The following RER1 variants were observed in gnomAD, a reference collection of about 807,000 sequenced individuals.
RER1 encodes the protein protein RER1.
A neutral mutation model predicts 28.3 loss-of-function variants in RER1; 6 were observed. That is an observed-to-expected ratio of 0.21 (90% CI 0.12 to 0.42). The LOEUF (loss-of-function observed/expected upper bound fraction) is 0.42, where lower values mean the gene tolerates loss of function less well. Among genes scored for constraint, RER1 ranks in the 10% least tolerant of loss-of-function variants. The probability of loss-of-function intolerance (pLI) is 1.00; values close to 1 mark genes in which losing one functional copy is unlikely to be tolerated. For missense variants in RER1, 159 were observed against 252.9 expected (o/e 0.63, Z 2.52); for synonymous variants, 110 against 95.9 (o/e 1.15, Z -0.86).
At chr1:2,398,335 A>G (rs1642798682) in intron 3 of RER1, among the ~76,000 whole-genome samples, 1 of 152,260 alleles carries the variant, frequency 6.6e-6, no homozygotes, top group Admixed American at 6.5e-5. Flanking sequence ...TCTGACTGGA[A>G]AAGCTTTTAG....
chr1:2,399,808 A>G (rs1198652314), intron 4 of RER1, among the ~76,000 whole-genome samples: 1 of 152,208 alleles, frequency 6.6e-6, no homozygotes, highest in Admixed American at 6.5e-5. Context: ...TCTGAGGTGG[A>G]CAGTCCGACT....
In RER1 at chr1:2,396,711, T is replaced by G. The variant is rs553154252; in HGVS notation, c.82-405T>G. Among the ~76,000 whole-genome samples, 518 of 152,330 alleles carry G rather than the reference T, an allele frequency of 3.4e-3. 2 individuals carry two copies. Among genetic ancestry groups the G allele is most frequent in the African/African-American group, 0.012 (495 of 41,578 alleles). The stretch of plus-strand genomic sequence containing the variant: ...AGTGGGCCTGGGAGCGGGGCAAGGC[T>G]GGCTGCTGGCTGCTGCAGATGGGGG... On this transcript the variant is annotated intron_variant, in intron 2 of 6. Transcript: ENST00000605895.
chr1:2,398,315 C>T (rs1416239309), intron 3 of RER1, among the ~76,000 whole-genome samples: 2 of 152,246 alleles, frequency 1.3e-5, no homozygotes, highest in African/African-American at 2.4e-5. Context: ...TCACATCTGG[C>T]GTTCAGCCGT....
chr1:2,396,917 G>C (rs1397074065), intron 2 of RER1, among the ~76,000 whole-genome samples, 199 bp from the exon 3 acceptor site: 1 of 152,216 alleles, frequency 6.6e-6, no homozygotes, highest in Non-Finnish European at 1.5e-5. Flanking sequence ...ACCTGCTTCA[G>C]GAATTATTGA....
In RER1 at chr1:2,400,482, C is replaced by T. The variant is rs182581848; in HGVS notation, c.287-375C>T. On this transcript the variant is annotated intron_variant, in intron 4 of 6. Transcript: ENST00000605895. ...CTGCTGGTGGGACAGGCCTGGCGCC[C>T]GGGTTCCACGGTCAGCGCATCCTCG... Among the ~76,000 whole-genome samples, 401 of 152,334 alleles carry T rather than the reference C, an allele frequency of 2.6e-3. 3 individuals are homozygous for T. The highest frequency in any genetic ancestry group is 6.9e-3 in the Admixed American group (106 of 15,306).
At chr1:2,401,958 T>C (rs1226615076) in intron 5 of RER1, 1 of 1,422,582 alleles carries the variant, frequency 7.0e-7, no homozygotes, top group Non-Finnish European at 9.3e-7. Flanking sequence ...CTTTATACTT[T>C]GTGTAGTTTT....
chr1:2,397,829 A>G (rs937920454), intron 3 of RER1, among the ~76,000 whole-genome samples: 1 of 152,152 alleles, frequency 6.6e-6, no homozygotes, highest in African/African-American at 2.4e-5. Flanking sequence ...GGTTTCTAGG[A>G]GCAAACCTGT....
Position 2,402,197 on chromosome 1 carries a change from C to T in RER1, c.366-10C>T. 6.2e-7 allele frequency: 1 copy of T among 1,614,136 alleles called. No individual in the cohort carries two copies. The highest frequency in any genetic ancestry group is 8.5e-7 in the Non-Finnish European group (1 of 1,180,032). ...CAGATGCGGCGCTAACCTTCTCTCCCCACTTGAAGGCATGCGGCTACCAAG... is the reference window on the plus strand; with the variant it reads ...CAGATGCGGCGCTAACCTTCTCTCCTCACTTGAAGGCATGCGGCTACCAAG... On this transcript the variant is annotated splice_polypyrimidine_tract_variant and intron_variant, in intron 5 of 6. Coordinates refer to ENST00000605895, the MANE Select transcript of RER1 (RefSeq NM_007033.5).
rs1031871419 is a variant in RER1, at chr1:2,402,990, T to C, written c.502-45T>C. 8 of 1,513,708 alleles carry C rather than the reference T, an allele frequency of 5.3e-6. No individual in the cohort carries two copies. In the African/African-American group the frequency reaches 1.1e-4, roughly 21 times the overall value. 93.8% of individuals were successfully genotyped at this position (1,513,708 alleles called of 1,614,324 possible). On this transcript the variant is annotated intron_variant, in intron 6 of 6. Transcript: ENST00000605895. ...CAGATTTGGGGACAGTGTGACTGACTGGAGAGCGGTTGTGCAGTAACTGAG... is the reference window on the plus strand; with the variant it reads ...CAGATTTGGGGACAGTGTGACTGACCGGAGAGCGGTTGTGCAGTAACTGAG...
chr1:2,400,850 C>G lies in RER1; in HGVS notation c.287-7C>G. ...GTGCCCTCCCTGATGGTTGCTCTGC[C>G]TTACAGATGACGGTCCTTCGCTACC... On this transcript the variant is annotated splice_polypyrimidine_tract_variant and splice_region_variant and intron_variant, in intron 4 of 6. Transcript: ENST00000605895. 6.2e-7 allele frequency: 1 copy of G among 1,613,216 alleles called. No homozygotes were observed. The highest frequency in any genetic ancestry group is 8.5e-7 in the Non-Finnish European group (1 of 1,179,234).
At chr1:2,395,493 G>C in intron 1 of RER1, 1 of 400,852 alleles carries the variant, frequency 2.5e-6, no homozygotes, top group Non-Finnish European at 4.7e-6. Context: ...GGCTGCTCCT[G>C]GGGCCAGTGG....
intron 2 of RER1, chr1:2,396,208 C>A (rs1394377056): frequency 3.2e-6 from 1 of 310,178 alleles, no homozygotes; most frequent in Non-Finnish European, 6.3e-6. Flanking sequence ...CAGCCACCCA[C>A]GTCCCCGGTG....
At chr1:2,402,386 C>G (rs537096528) in intron 6 of RER1, 44 bp downstream of exon 6, 1 of 1,612,186 alleles carries the variant, frequency 6.2e-7, no homozygotes, top group Non-Finnish European at 8.5e-7. Context: ...AATCGCTGTT[C>G]TGTTACCCGC....
At chr1:2,402,744 T>G (rs1642888997) in intron 6 of RER1, among the ~76,000 whole-genome samples, 1 of 152,286 alleles carries the variant, frequency 6.6e-6, no homozygotes, top group East Asian at 1.9e-4. Context: ...GGCCTCACTC[T>G]GTGCCCGGGG....
intron 2 of RER1, 52 bp downstream of exon 2, chr1:2,395,923 C>T (rs758776576): frequency 1.5e-6 from 2 of 1,362,756 alleles, no homozygotes; most frequent in Middle Eastern, 1.8e-4. Context: ...AGAAACGGGA[C>T]TCCCAGCATT....
intron 6 of RER1, among the ~76,000 whole-genome samples, 195 bp downstream of exon 6, chr1:2,402,537 G>A (rs184100361): frequency 5.3e-5 from 8 of 152,212 alleles, no homozygotes; most frequent in African/African-American, 1.4e-4. Flanking sequence ...AACGGGGAGC[G>A]CAGCTGTGGG....
At chr1:2,402,680 G>C (rs1642886830) in intron 6 of RER1, among the ~76,000 whole-genome samples, 1 of 152,248 alleles carries the variant, frequency 6.6e-6, no homozygotes. Flanking sequence ...GTGTTAGGGG[G>C]AAGTTAGCCG....
Position 2,404,058 on chromosome 1 carries a change from T to C in RER1, c.*934T>C, listed in dbSNP as rs1642918239. On this transcript the variant is annotated 3_prime_UTR_variant, in exon 7 of 7. Transcript: ENST00000605895. ...GGAAAGCCCACCTTTTGTTTGGCCT[T>C]TTCGAAAGGTGACCCATATTGCACA... 6.6e-6 allele frequency: 1 copy of C among 152,234 alleles called. No homozygotes were observed. Among genetic ancestry groups the C allele is most frequent in the African/African-American group, 2.4e-5 (1 of 41,454 alleles). 9.4% of individuals were successfully genotyped at this position (152,234 alleles called of 1,614,324 possible). A position where few individuals can be genotyped will look rare whatever the true frequency, so the allele number is the denominator to read the frequency against.
Position 2,402,191 on chromosome 1 carries a change from C to G in RER1, c.366-16C>G, listed in dbSNP as rs901258872. ...TGGCTGCAGATGCGGCGCTAACCTT[C>G]TCTCCCCACTTGAAGGCATGCGGCT... On this transcript the variant is annotated splice_polypyrimidine_tract_variant and intron_variant, in intron 5 of 6. Transcript: ENST00000605895. 4.3e-6 allele frequency: 7 copies of G among 1,614,054 alleles called. No individual in the cohort carries two copies. The highest frequency in any genetic ancestry group is 5.9e-6 in the Non-Finnish European group (7 of 1,180,046).
Sources: gnomAD v4.1 joint callset for allele counts (sites outside exome capture counted in the v4.1 genomes callset) on GRCh38, gnomAD v4.1.1 for gene constraint, MANE v1.5 for transcripts, NCBI Gene and HGNC (gene_info 2026-07-23, HGNC 2026-07-21) for gene names.